The following DHRSX variants were observed in gnomAD, a reference collection of about 807,000 sequenced individuals.
The protein encoded by DHRSX is polyprenol dehydrogenase.
In DHRSX, 31 loss-of-function variants were observed where a neutral mutation model predicts 34.0. The ratio of observed to expected loss-of-function variants is 0.91; its 90% CI spans 0.69 to 1.23. The LOEUF (loss-of-function observed/expected upper bound fraction) is 1.23, where lower values mean the gene tolerates loss of function less well. Among genes scored for constraint, DHRSX ranks in the 50% most tolerant of loss-of-function variants. The pLI is 0.00. For synonymous variants in DHRSX, 201 were observed against 183.8 expected (o/e 1.09, Z -0.76); for missense variants, 414 against 428.1 (o/e 0.97, Z 0.29).
intron 1 of DHRSX, among the ~76,000 whole-genome samples, chrX:2,448,162 A>G (rs1643318725): frequency 6.7e-6 from 1 of 149,980 alleles, no homozygotes; most frequent in African/African-American, 2.5e-5. Context: ...ACATAGCAAG[A>G]TCCCATCTAC....
At chrX:2,474,208 A>G (rs1283930194) in intron 1 of DHRSX, among the ~76,000 whole-genome samples, 1 of 152,128 alleles carries the variant, frequency 6.6e-6, no homozygotes, top group Middle Eastern at 3.2e-3. Context: ...TTTTCTAAGA[A>G]TGTGGACAAG....
At chrX:2,431,865 G>A (rs1350574175) in intron 1 of DHRSX, among the ~76,000 whole-genome samples, 3 of 152,102 alleles carry the variant, frequency 2.0e-5, no homozygotes, top group Admixed American at 1.3e-4. Flanking sequence ...AATATACCCA[G>A]GGAACAAACC....
At chrX:2,405,420 A>G (rs1178272643) in intron 3 of DHRSX, among the ~76,000 whole-genome samples, 4 of 152,048 alleles carry the variant, frequency 2.6e-5, no homozygotes, top group Admixed American at 2.6e-4. Context: ...CCCGGGCCAC[A>G]GAGGTTGCAG....
At chrX:2,435,909 T>C (rs897724484) in intron 1 of DHRSX, among the ~76,000 whole-genome samples, 3 of 152,226 alleles carry the variant, frequency 2.0e-5, no homozygotes, top group African/African-American at 7.2e-5. Flanking sequence ...ATATGTTTCA[T>C]GGGGGCTGGG....
rs185711245 is a variant in DHRSX, at chrX:2,403,451, T to C, written c.286+5294A>G. Among the ~76,000 whole-genome samples, 14 of 152,316 alleles carry C rather than the reference T, an allele frequency of 9.2e-5. No individual in the cohort carries two copies. The East Asian group carries it at 1.7e-3, about 19-fold the overall frequency. ...ATGCCACAAGTAAACTAACATTTTT[T>C]AATGGTGGGGACAAATCATGTATTC... On this transcript the variant is annotated intron_variant, in intron 3 of 6. Coordinates refer to ENST00000334651, the MANE Select transcript of DHRSX (RefSeq NM_145177.3).
rs777217041 is a variant in DHRSX at position 2,289,475 on chromosome X, A to T, written c.388+2027T>A. Among the ~76,000 whole-genome samples the T allele has an allele frequency of 5.3e-4, 80 of 152,270 alleles. 1 individual carries two copies. The highest frequency in any genetic ancestry group is 1.9e-3 in the African/African-American group (78 of 41,564). ...ATGCAAGCCCATACCAAATGGATGG[A>T]AGTAGTCGCACAAAAGTCCTAAGAG... On this transcript the variant is annotated intron_variant, in intron 4 of 6. Transcript: ENST00000334651.
intron 5 of DHRSX, among the ~76,000 whole-genome samples, chrX:2,243,788 G>GTTTTTTTTTTTTTTTTTTTTTTTTT (rs778957532): frequency 1.6e-4 from 4 of 25,172 alleles, no homozygotes; most frequent in Non-Finnish European, 4.3e-4. Flanking sequence ...TATGCTCCCT[G>GTTTTTTTTTTTTTTTTTTTTTTTTT]TTTTTTTTTT....
intron 5 of DHRSX, among the ~76,000 whole-genome samples, chrX:2,244,946 G>A (rs1205272109): frequency 1.3e-5 from 2 of 152,014 alleles, no homozygotes; most frequent in Admixed American, 6.6e-5. Flanking sequence ...TCCTGACCAC[G>A]TGATCTGCCC....
chrX:2,335,996 C>CTTTTGT (rs930255874), intron 3 of DHRSX, among the ~76,000 whole-genome samples: 3 of 151,882 alleles, frequency 2.0e-5, no homozygotes, highest in African/African-American at 7.3e-5. Flanking sequence ...TAATATCATG[C>CTTTTGT]TTTTGTTTTT....
chrX:2,284,468 T>C (rs1170538319), intron 4 of DHRSX, among the ~76,000 whole-genome samples: 2 of 152,172 alleles, frequency 1.3e-5, no homozygotes, highest in East Asian at 3.8e-4. Context: ...AAACAGAGTC[T>C]TTAGGTCTCT....
chrX:2,247,625 G>C (rs766736839), intron 5 of DHRSX, among the ~76,000 whole-genome samples: 3 of 138,682 alleles, frequency 2.2e-5, no homozygotes, highest in Non-Finnish European at 3.0e-5. Context: ...CTGCACTCCA[G>C]CCTTGGTGAT....
At chrX:2,490,818 C>A in intron 1 of DHRSX, 3 of 1,497,156 alleles carry the variant, frequency 2.0e-6, no homozygotes, top group South Asian at 2.6e-5. Context: ...GACCCAGGCA[C>A]GCACGGGAGC....
chrX:2,376,952 C>T (rs1433233273), intron 3 of DHRSX, among the ~76,000 whole-genome samples: 2 of 151,762 alleles, frequency 1.3e-5, no homozygotes, highest in Non-Finnish European at 2.9e-5. Context: ...CGAGATCACA[C>T]CACTGCACTC....
chrX:2,438,077 C>G (rs184320602), intron 1 of DHRSX, among the ~76,000 whole-genome samples: 1 of 146,406 alleles, frequency 6.8e-6, no homozygotes, highest in Non-Finnish European at 1.5e-5. Flanking sequence ...TTTGGGAGGC[C>G]GAGGCAGGAG....
At chrX:2,368,587 C>T (rs190191838) in intron 3 of DHRSX, among the ~76,000 whole-genome samples, 266 of 152,228 alleles carry the variant, frequency 1.7e-3, no homozygotes, top group African/African-American at 6.0e-3. Context: ...CGGAAGCTCA[C>T]GCCTGTAATC....
intron 1 of DHRSX, among the ~76,000 whole-genome samples, chrX:2,480,248 G>C (rs7887987): frequency 0.22 from 31,138 of 139,688 alleles, 3,098 homozygotes; most frequent in South Asian, 0.33. Context: ...AATGTGAAGT[G>C]AAATGAACCA....
At chrX:2,352,761 A>G (rs1395716889) in intron 3 of DHRSX, among the ~76,000 whole-genome samples, 2 of 152,198 alleles carry the variant, frequency 1.3e-5, no homozygotes, top group Admixed American at 1.3e-4. Context: ...AGGCTCCTAC[A>G]GCAAATAAAA....
At chrX:2,398,028 AT>A (rs1286496708) in intron 3 of DHRSX, among the ~76,000 whole-genome samples, 1 of 147,446 alleles carries the variant, frequency 6.8e-6, no homozygotes, top group Non-Finnish European at 1.5e-5. Context: ...ACACACATAG[AT>A]ACATATGCCA....
At chrX:2,225,754 C>T (rs951646435) in intron 6 of DHRSX, among the ~76,000 whole-genome samples, 1 of 134,460 alleles carries the variant, frequency 7.4e-6, no homozygotes, top group Non-Finnish European at 1.5e-5. Context: ...GAAAAGACGG[C>T]GTCTCCAAGC....
Sources: gnomAD v4.1 joint callset for allele counts (sites outside exome capture counted in the v4.1 genomes callset) on GRCh38, gnomAD v4.1.1 for gene constraint, MANE v1.5 for transcripts, NCBI Gene and HGNC (gene_info 2026-07-23, HGNC 2026-07-21) for gene names.